CUL2: variants seen among roughly 807,000 people sequenced by gnomAD.
The protein encoded by CUL2 is cullin-2.
CUL2 carries 22 observed loss-of-function variants against 110.2 expected under a neutral mutation model. The observed-to-expected ratio is 0.20, with a 90% CI of 0.14 to 0.28. CUL2 has a LOEUF of 0.28. Ranked by LOEUF, CUL2 falls within the 10% of genes least tolerant of loss-of-function variation. The pLI, the probability that CUL2 is intolerant of heterozygous loss-of-function variation, is 1.00. For synonymous variants in CUL2, 279 were observed against 293.2 expected, an observed-to-expected ratio of 0.95 and a Z score of 0.49; for missense variants, 631 against 905.5, an observed-to-expected ratio of 0.70 and a Z score of 3.89.
chr10:35,037,273 A>G (rs1409324922), intron 9 of CUL2, among the ~76,000 whole-genome samples: 6 of 152,256 alleles, frequency 3.9e-5, no homozygotes, highest in Non-Finnish European at 8.8e-5. Context: ...ATGCGTGTTG[A>G]AAAGACCATC....
At chr10:35,062,367 C>A (rs1391782402) in intron 3 of CUL2, among the ~76,000 whole-genome samples, 1 of 151,936 alleles carries the variant, frequency 6.6e-6, no homozygotes, top group East Asian at 1.9e-4. Flanking sequence ...CAGAGATTTA[C>A]CAAGAGATAG....
chr10:35,117,324 T>A (rs1048278041), intron 1 of CUL2, among the ~76,000 whole-genome samples: 2 of 152,154 alleles, frequency 1.3e-5, no homozygotes, highest in African/African-American at 4.8e-5. Context: ...TGCAGCCTAG[T>A]CTATCTCACA....
At chr10:35,025,634 T>C (rs1027887202) in intron 16 of CUL2, among the ~76,000 whole-genome samples, 1 of 152,334 alleles carries the variant, frequency 6.6e-6, no homozygotes, top group Non-Finnish European at 1.5e-5. Flanking sequence ...TAGACACAAA[T>C]ACGAAGTTTT....
At chr10:35,122,979 A>T (rs2087695998) in intron 1 of CUL2, among the ~76,000 whole-genome samples, 1 of 152,164 alleles carries the variant, frequency 6.6e-6, no homozygotes, top group Non-Finnish European at 1.5e-5. Context: ...ATATAAAAAA[A>T]TTAAAAAAAT....
intron 1 of CUL2, among the ~76,000 whole-genome samples, chr10:35,122,894 A>G (rs2087694737): frequency 6.6e-6 from 1 of 152,206 alleles, no homozygotes; most frequent in Non-Finnish European, 1.5e-5. Context: ...TGCTCACCTC[A>G]GCCTCCCAAT....
chr10:35,080,521 GAT>G (rs1393561486), intron 1 of CUL2, among the ~76,000 whole-genome samples: 2 of 151,568 alleles, frequency 1.3e-5, no homozygotes, highest in African/African-American at 4.9e-5. Context: ...GCAGTGGTGT[GAT>G]CCTGGTTCAC....
Position 35,030,914 on chromosome 10 carries a change from T to C in CUL2, c.1386+386A>G, listed in dbSNP as rs1588969542. 2.0e-5 allele frequency among the ~76,000 whole-genome samples: 3 copies of C among 152,282 alleles called. No homozygotes were observed. The South Asian group carries it at 6.2e-4, about 32-fold the overall frequency. On this transcript the variant is annotated intron_variant, in intron 14 of 20. Transcript: ENST00000374749. Reference sequence around the variant, plus strand: ...TGCATATTATATTCAAAATGTCTACTATGCAAGAAAATTTATTGAATAACA... The same window carrying C: ...TGCATATTATATTCAAAATGTCTACCATGCAAGAAAATTTATTGAATAACA...
intron 1 of CUL2, among the ~76,000 whole-genome samples, chr10:35,117,192 C>T (rs866784646): frequency 6.6e-6 from 1 of 152,148 alleles, no homozygotes; most frequent in African/African-American, 2.4e-5. Context: ...GGGACAGACA[C>T]AACCAGATAC....
At chr10:35,011,597 G>A (rs934653625) in intron 20 of CUL2, among the ~76,000 whole-genome samples, 2 of 152,100 alleles carry the variant, frequency 1.3e-5, no homozygotes, top group Non-Finnish European at 2.9e-5. Context: ...CAGCCTGGGC[G>A]ACAGAGCAAG....
intron 4 of CUL2, among the ~76,000 whole-genome samples, chr10:35,057,664 A>AC (rs1423697398): frequency 2.0e-5 from 3 of 152,012 alleles, no homozygotes; most frequent in Admixed American, 1.3e-4. Context: ...AAAAAAAAAA[A>AC]AAGAAAAAAA....
intron 1 of CUL2, among the ~76,000 whole-genome samples, chr10:35,085,696 C>CAAAAAA (rs1263412257): frequency 1.8e-5 from 1 of 55,784 alleles, no homozygotes. Flanking sequence ...GACTCTGTCT[C>CAAAAAA]AAAAAAAAAA....
At chr10:35,102,818 A>C (rs2087401345) in intron 1 of CUL2, among the ~76,000 whole-genome samples, 1 of 149,020 alleles carries the variant, frequency 6.7e-6, no homozygotes, top group African/African-American at 2.5e-5. Flanking sequence ...GGGGGGCGGA[A>C]GTTGCAATGA....
chr10:35,071,146 T>C, intron 2 of CUL2, 53 bp downstream of exon 2: 2 of 1,563,308 alleles, frequency 1.3e-6, no homozygotes, highest in Non-Finnish European at 1.7e-6. Context: ...TTCTCAGTTT[T>C]CAACAAATTT....
intron 2 of CUL2, among the ~76,000 whole-genome samples, chr10:35,069,888 A>G (rs569736479): frequency 6.6e-6 from 1 of 152,306 alleles, no homozygotes; most frequent in South Asian, 2.1e-4. Context: ...AAGTAGCAAC[A>G]CTTTTTCAAC....
chr10:35,020,285 A>T (rs2085151029), intron 17 of CUL2, among the ~76,000 whole-genome samples: 1 of 152,184 alleles, frequency 6.6e-6, no homozygotes, highest in Non-Finnish European at 1.5e-5. Flanking sequence ...GGGAGGTGGA[A>T]GGGAAATGTA....
intron 1 of CUL2, among the ~76,000 whole-genome samples, chr10:35,082,466 G>A (rs1365277966): frequency 6.6e-6 from 1 of 152,098 alleles, no homozygotes; most frequent in Non-Finnish European, 1.5e-5. Flanking sequence ...TTTTGGAAAT[G>A]GTGGTTTTGG....
rs572767479 is a variant in CUL2 at position 35,043,644 on chromosome 10, T to C, written c.714+922A>G. ...ATCCAACACTGCAGATTTAAAAACC[T>C]GGCTAGAAGTTCTAATATATCTTAC... On this transcript the variant is annotated intron_variant, in intron 8 of 20. Transcript: ENST00000374749. Among the ~76,000 whole-genome samples the C allele has an allele frequency of 1.4e-4, 21 of 152,344 alleles. No individual in the cohort carries two copies. In the South Asian group the frequency reaches 4.3e-3, roughly 32 times the overall value.
At chr10:35,083,926 G>C (rs973387887) in intron 1 of CUL2, among the ~76,000 whole-genome samples, 3 of 152,060 alleles carry the variant, frequency 2.0e-5, no homozygotes, top group Non-Finnish European at 4.4e-5. Flanking sequence ...ACCTACAATA[G>C]AGAAAGACTA....
chr10:35,052,820 G>A (rs2086145436), intron 5 of CUL2, among the ~76,000 whole-genome samples: 1 of 151,710 alleles, frequency 6.6e-6, no homozygotes. Context: ...GTGTGAACCT[G>A]GGAGGCAGAG....
Sources: allele counts gnomAD v4.1 joint callset (sites outside exome capture counted in the v4.1 genomes callset), GRCh38; gene constraint gnomAD v4.1.1; transcripts MANE v1.5; gene names NCBI Gene and HGNC (gene_info 2026-07-23, HGNC 2026-07-21).